CHCHD4: variants seen among roughly 807,000 people sequenced by gnomAD.
CHCHD4 encodes mitochondrial intermembrane space import and assembly protein 40.
CHCHD4 carries 7 observed loss-of-function variants against 12.4 expected under a neutral mutation model. The ratio of observed to expected loss-of-function variants is 0.57; its 90% CI spans 0.32 to 1.06. The LOEUF (loss-of-function observed/expected upper bound fraction) is 1.06, where lower values mean the gene tolerates loss of function less well. Among genes scored for constraint, CHCHD4 ranks in the 50% least tolerant of loss-of-function variants. The pLI is 0.04. For synonymous variants in CHCHD4, 56 were observed against 58.0 expected, an observed-to-expected ratio of 0.97 and a Z score of 0.16; for missense variants, 143 against 175.1, an observed-to-expected ratio of 0.82 and a Z score of 1.03.
chr3:14,116,364 A>G, intron 2 of CHCHD4, 62 bp downstream of exon 2: 1 of 1,134,384 alleles, frequency 8.8e-7, no homozygotes, highest in South Asian at 1.2e-5. Context: ...AAAGGAATTA[A>G]GAACACTGAG....
Position 14,121,926 on chromosome 3 carries a change from C to T in CHCHD4, c.22+2729G>A, listed in dbSNP as rs373323329. On this transcript the variant is annotated intron_variant, in intron 1 of 2. Coordinates refer to ENST00000396914, the MANE Select transcript of CHCHD4 (RefSeq NM_001098502.2). ...GTTTAGCTCAACAAACCTTCCTCAG[C>T]TCCAGCTCTGTGGTAGTACCTGGTG... 133 of 1,614,056 alleles carry T rather than the reference C, an allele frequency of 8.2e-5. No individual in the cohort carries two copies. The highest frequency in any genetic ancestry group is 1.0e-4 in the Non-Finnish European group (123 of 1,180,018).
In CHCHD4 at chr3:14,124,730, C is replaced by T. The variant is rs1694988886; in HGVS notation, c.-54G>A. On this transcript the variant is annotated 5_prime_UTR_variant, in exon 1 of 3. Coordinates refer to ENST00000396914, the MANE Select transcript of CHCHD4 (RefSeq NM_001098502.2). ...GAAGCGGCGGTGGCGGCAGCTGCAC[C>T]TTTACGCCGTGACCTCCCTCTCCTC... 27 of 1,507,186 alleles carry T rather than the reference C, an allele frequency of 1.8e-5. No homozygotes were observed. Among genetic ancestry groups the T allele is most frequent in the Admixed American group, 1.1e-4 (5 of 44,406 alleles). The allele number at this position is 1,507,186 out of a possible 1,614,324, so 93.4% of individuals were successfully genotyped here. A position where few individuals can be genotyped will look rare whatever the true frequency, so the allele number is the denominator to read the frequency against.
chr3:14,116,012 T>G (rs1209341722), intron 2 of CHCHD4, among the ~76,000 whole-genome samples: 4 of 152,232 alleles, frequency 2.6e-5, no homozygotes, highest in Admixed American at 2.0e-4. Flanking sequence ...GACCTTTTCA[T>G]GTAAGGTGCT....
chr3:14,123,334 G>C (rs1294631937), intron 1 of CHCHD4, among the ~76,000 whole-genome samples: 1 of 152,168 alleles, frequency 6.6e-6, no homozygotes, highest in African/African-American at 2.4e-5. Context: ...GTAAATTAGA[G>C]AAAGACTCGA....
chr3:14,119,750 A>G (rs1267547177), intron 1 of CHCHD4, among the ~76,000 whole-genome samples: 3 of 152,204 alleles, frequency 2.0e-5, no homozygotes, highest in Admixed American at 2.0e-4. Context: ...TCAATATCAC[A>G]GAGAGTCTGA....
chr3:14,121,738 G>A (rs1383315863), intron 1 of CHCHD4, among the ~76,000 whole-genome samples: 2 of 152,218 alleles, frequency 1.3e-5, no homozygotes, highest in African/African-American at 2.4e-5. Context: ...TTTGAGTGAG[G>A]TAAGGGGTTT....
At chr3:14,113,693 A>G (rs1323973044) in intron 2 of CHCHD4, among the ~76,000 whole-genome samples, 1 of 152,114 alleles carries the variant, frequency 6.6e-6, no homozygotes, top group East Asian at 1.9e-4. Flanking sequence ...GACTGGTGAA[A>G]AGGAGGAGGT....
chr3:14,123,644 ACT>A (rs1694965033), intron 1 of CHCHD4, among the ~76,000 whole-genome samples: 1 of 152,030 alleles, frequency 6.6e-6, no homozygotes, highest in African/African-American at 2.4e-5. Flanking sequence ...GGGACTTCCA[ACT>A]CTCTCTGTAG....
chr3:14,121,107 G>T (rs754148301), intron 1 of CHCHD4, among the ~76,000 whole-genome samples: 3 of 152,144 alleles, frequency 2.0e-5, no homozygotes, highest in Non-Finnish European at 4.4e-5. Flanking sequence ...GAAGGGAAAG[G>T]AATGTGCTTA....
At position 14,124,781 on chromosome 3, in the gene CHCHD4, C is replaced by A; in HGVS notation, c.-105G>T. On this transcript the variant is annotated 5_prime_UTR_variant, in exon 1 of 3. Transcript: ENST00000396914. ...TGGCAGGGCGGGCTCCTCCGAAGCC[C>A]GCGCGGACCCGCCCCCTCCCAGGCC... 4 of 1,296,770 alleles carry A rather than the reference C, an allele frequency of 3.1e-6. No individual in the cohort carries two copies. Among genetic ancestry groups the A allele is most frequent in the Admixed American group, 2.9e-5 (1 of 34,056 alleles). 80.3% of individuals were successfully genotyped at this position (1,296,770 alleles called of 1,614,324 possible). A position where few individuals can be genotyped will look rare whatever the true frequency, so the allele number is the denominator to read the frequency against.
In CHCHD4 at chr3:14,123,148, G is replaced by A. The variant is rs147535832; in HGVS notation, c.22+1507C>T. 1.8e-4 allele frequency among the ~76,000 whole-genome samples: 27 copies of A among 152,216 alleles called. 1 individual carries two copies. The East Asian group carries it at 4.6e-3, about 26-fold the overall frequency. On this transcript the variant is annotated intron_variant, in intron 1 of 2. Transcript: ENST00000396914. ...GTGCTTTCAATTCTCACTCCTCTCC[G>A]AACTAAGAGAGATCTTTGAAGCAGG...
At chr3:14,115,102 C>T (rs558228714) in intron 2 of CHCHD4, among the ~76,000 whole-genome samples, 1 of 152,318 alleles carries the variant, frequency 6.6e-6, no homozygotes, top group South Asian at 2.1e-4. Context: ...TTACTTGGTC[C>T]ACTTACTAAT....
intron 1 of CHCHD4, among the ~76,000 whole-genome samples, chr3:14,124,373 A>G (rs1174847488): frequency 1.3e-5 from 2 of 152,130 alleles, no homozygotes; most frequent in Admixed American, 6.5e-5. Flanking sequence ...CCGTGCCCCA[A>G]CCGGACCTAG....
intron 2 of CHCHD4, among the ~76,000 whole-genome samples, chr3:14,114,966 T>C (rs772447906): frequency 9.9e-5 from 15 of 152,178 alleles, no homozygotes; most frequent in Non-Finnish European, 1.8e-4. Context: ...TAAGGCCCTC[T>C]TGATGTTTTG....
At chr3:14,117,751 T>C (rs1054418661) in intron 1 of CHCHD4, among the ~76,000 whole-genome samples, 1 of 151,932 alleles carries the variant, frequency 6.6e-6, no homozygotes, top group African/African-American at 2.4e-5. Context: ...GAGAGGGAGG[T>C]AGCAGCATCC....
chr3:14,124,779 C>G lies in CHCHD4; in HGVS notation c.-103G>C. 2.3e-6 allele frequency: 3 copies of G among 1,300,640 alleles called. No homozygotes were observed. Among genetic ancestry groups the G allele is most frequent in the South Asian group, 1.5e-5 (1 of 66,826 alleles). 80.6% of individuals were successfully genotyped at this position (1,300,640 alleles called of 1,614,324 possible). ...TCTGGCAGGGCGGGCTCCTCCGAAG[C>G]CCGCGCGGACCCGCCCCCTCCCAGG... On this transcript the variant is annotated 5_prime_UTR_variant, in exon 1 of 3. Coordinates refer to ENST00000396914, the MANE Select transcript of CHCHD4 (RefSeq NM_001098502.2).
intron 1 of CHCHD4, among the ~76,000 whole-genome samples, chr3:14,122,271 A>AT (rs1319117940): frequency 9.2e-5 from 14 of 152,240 alleles, no homozygotes; most frequent in Middle Eastern, 3.2e-3. Context: ...CACCTATGAC[A>AT]GTCTGTAATC....
intron 1 of CHCHD4, chr3:14,122,139 T>C (rs1033029969): frequency 9.3e-6 from 14 of 1,502,706 alleles, no homozygotes; most frequent in East Asian, 4.9e-5. Flanking sequence ...GTGTTTAGGA[T>C]TGCAAAAGGT....
intron 1 of CHCHD4, among the ~76,000 whole-genome samples, chr3:14,117,038 G>GA (rs1232332101): frequency 6.6e-6 from 1 of 152,238 alleles, no homozygotes; most frequent in Non-Finnish European, 1.5e-5. Flanking sequence ...GAGGCCGGGG[G>GA]ACCATTTCCC....
Sources: gnomAD v4.1 joint callset for allele counts (sites outside exome capture counted in the v4.1 genomes callset) on GRCh38, gnomAD v4.1.1 for gene constraint, MANE v1.5 for transcripts, NCBI Gene and HGNC (gene_info 2026-07-23, HGNC 2026-07-21) for gene names.